The following FRMPD3 variants were observed in gnomAD, a reference collection of about 807,000 sequenced individuals.
FRMPD3 encodes FERM and PDZ domain-containing protein 3.
FRMPD3 carries 42 observed loss-of-function variants against 97.9 expected under a neutral mutation model. The ratio of observed to expected loss-of-function variants is 0.43; its 90% CI spans 0.34 to 0.55. FRMPD3 has a LOEUF of 0.55. Ranked by LOEUF, FRMPD3 falls within the 20% of genes least tolerant of loss-of-function variation. FRMPD3 has a pLI of 0.03. For synonymous variants in FRMPD3, 577 were observed against 581.1 expected, an observed-to-expected ratio of 0.99 and a Z score of 0.10; for missense variants, 1,303 against 1,457.7, an observed-to-expected ratio of 0.89 and a Z score of 1.73.
chrX:107,531,111 TACACACACACACAC>T (rs35430860), intron 3 of FRMPD3, among the ~76,000 whole-genome samples: 1 of 93,598 alleles, frequency 1.1e-5, no homozygotes, highest in Non-Finnish European at 2.2e-5. Flanking sequence ...CTGTGCACAT[TACACACACACACAC>T]ACACACACAC....
At chrX:107,594,996 A>AT (rs1399786400) in intron 13 of FRMPD3, among the ~76,000 whole-genome samples, 12 of 111,053 alleles carry the variant, frequency 1.1e-4, no homozygotes, top group African/African-American at 3.6e-4. Context: ...TTCTCTTGTG[A>AT]TTTTTTTCCT....
At chrX:107,591,771 G>T (rs1470298349) in intron 13 of FRMPD3, among the ~76,000 whole-genome samples, 3 of 109,696 alleles carry the variant, frequency 2.7e-5, no homozygotes, top group Non-Finnish European at 3.8e-5. Context: ...TTTAATTTTT[G>T]TGTGTACATA....
intron 1 of FRMPD3, among the ~76,000 whole-genome samples, chrX:107,473,537 A>G (rs1219939199): frequency 8.9e-6 from 1 of 112,315 alleles, no homozygotes. Flanking sequence ...ACAAAGGTAG[A>G]AAGCTTTAGG....
intron 10 of FRMPD3, 22 bp downstream of exon 10, chrX:107,560,875 G>T: frequency 8.5e-7 from 1 of 1,179,166 alleles, no homozygotes; most frequent in Non-Finnish European, 1.1e-6. Flanking sequence ...AGACCACTGG[G>T]CATGGTGCTC....
chrX:107,525,819 T>C (rs1922670671), intron 1 of FRMPD3, among the ~76,000 whole-genome samples: 1 of 112,402 alleles, frequency 8.9e-6, no homozygotes, highest in African/African-American at 3.2e-5. Context: ...CTCACGCCTG[T>C]AATCCCAGCA....
At chrX:107,560,447 A>C (rs1222013699) in intron 9 of FRMPD3, 54 bp downstream of exon 9, 3 of 1,177,987 alleles carry the variant, frequency 2.5e-6, no homozygotes, top group Non-Finnish European at 3.4e-6. Flanking sequence ...CGTAGGGAAA[A>C]GGTACACTGG....
intron 1 of FRMPD3, among the ~76,000 whole-genome samples, chrX:107,480,312 T>A (rs143879738): frequency 7.2e-5 from 8 of 111,250 alleles, no homozygotes; most frequent in Non-Finnish European, 1.5e-4. Flanking sequence ...GATCCATTGA[T>A]AGGTAAAATG....
Position 107,604,888 on chromosome X carries a change from C to T in FRMPD3, c.*1515C>T, listed in dbSNP as rs1004384488. ...AAAGTCTCCCTGAGTGGTGAGTTCT[C>T]CCGGCAAGGAGGAGGGGAGTTTCTT... On this transcript the variant is annotated 3_prime_UTR_variant, in exon 15 of 15. Transcript: ENST00000683843. 1 of 110,508 alleles carries T rather than the reference C, an allele frequency of 9.0e-6. No individual in the cohort carries two copies. The highest frequency in any genetic ancestry group is 3.3e-5 in the African/African-American group (1 of 30,313). The allele number at this position is 110,508 out of a possible 1,213,427, so 9.1% of individuals were successfully genotyped here.
At chrX:107,588,751 A>G (rs1175121842) in intron 13 of FRMPD3, among the ~76,000 whole-genome samples, 1 of 111,511 alleles carries the variant, frequency 9.0e-6, no homozygotes, top group Non-Finnish European at 1.9e-5. Flanking sequence ...AGAGTCCCAT[A>G]TTTCTTGGAG....
intron 13 of FRMPD3, among the ~76,000 whole-genome samples, chrX:107,596,940 G>A (rs1924202657): frequency 1.8e-5 from 2 of 111,714 alleles, no homozygotes; most frequent in Admixed American, 9.5e-5. Flanking sequence ...ACAGGGGTAG[G>A]AACAGTTCCA....
intron 1 of FRMPD3, among the ~76,000 whole-genome samples, chrX:107,487,729 C>T (rs1435086569): frequency 3.6e-5 from 4 of 111,925 alleles, no homozygotes; most frequent in Non-Finnish European, 7.5e-5. Context: ...GGGGGCATCC[C>T]CAGGTTTTAA....
At chrX:107,467,025 A>T (rs28646118) in intron 1 of FRMPD3, among the ~76,000 whole-genome samples, 2,939 of 84,927 alleles carry the variant, frequency 0.035, 100 homozygotes, top group African/African-American at 0.13. Context: ...TGTGTGTGTG[A>T]GAGAGAGAGA....
chrX:107,589,586 G>A (rs1324378653), intron 13 of FRMPD3, among the ~76,000 whole-genome samples: 2 of 111,293 alleles, frequency 1.8e-5, no homozygotes, highest in East Asian at 2.8e-4. Flanking sequence ...GTTGGTTGCC[G>A]TTAAAGGATT....
chrX:107,595,615 T>A (rs1391011125), intron 13 of FRMPD3, among the ~76,000 whole-genome samples: 1 of 111,322 alleles, frequency 9.0e-6, no homozygotes, highest in Non-Finnish European at 1.9e-5. Flanking sequence ...CTTGTTGATA[T>A]TCTGCTTAGT....
At chrX:107,493,650 G>A (rs1002079294) in intron 1 of FRMPD3, among the ~76,000 whole-genome samples, 4 of 111,570 alleles carry the variant, frequency 3.6e-5, no homozygotes, top group Non-Finnish European at 7.5e-5. Flanking sequence ...CAGATCTTGC[G>A]ACTCATTTGG....
At chrX:107,517,830 A>AAGTG (rs1464510491) in intron 1 of FRMPD3, among the ~76,000 whole-genome samples, 1 of 74,674 alleles carries the variant, frequency 1.3e-5, no homozygotes, top group African/African-American at 5.6e-5. Flanking sequence ...GGAAGGAAGG[A>AAGTG]AGGGAGGGAG....
chrX:107,566,653 T>G (rs886431856), intron 12 of FRMPD3, among the ~76,000 whole-genome samples: 1 of 113,344 alleles, frequency 8.8e-6, no homozygotes, highest in Admixed American at 9.3e-5. Context: ...CCTTAAGTGC[T>G]TTAAGAAAAA....
intron 5 of FRMPD3, among the ~76,000 whole-genome samples, chrX:107,546,340 C>T (rs968587164): frequency 3.6e-5 from 4 of 111,853 alleles, no homozygotes; most frequent in Non-Finnish European, 5.6e-5. Flanking sequence ...TTTTATTAGG[C>T]ACCTGCTATG....
chrX:107,529,876 G>A (rs764634127), intron 2 of FRMPD3, among the ~76,000 whole-genome samples: 6 of 111,578 alleles, frequency 5.4e-5, no homozygotes, highest in Non-Finnish European at 7.5e-5. Context: ...AGCAAGTCCC[G>A]CCTGTGAAAT....
Sources: allele counts gnomAD v4.1 joint callset (sites outside exome capture counted in the v4.1 genomes callset), GRCh38; gene constraint gnomAD v4.1.1; transcripts MANE v1.5; gene names NCBI Gene and HGNC (gene_info 2026-07-23, HGNC 2026-07-21).